Variants in SRSF11 observed in about 807,000 individuals in gnomAD.
SRSF11 encodes serine and arginine rich splicing factor 11, also known as serine/arginine-rich splicing factor 11.
SRSF11 carries 9 observed loss-of-function variants against 56.0 expected under a neutral mutation model. That is an observed-to-expected ratio of 0.16 (90% CI 0.10 to 0.28). SRSF11 has a LOEUF of 0.28. Among genes scored for constraint, SRSF11 ranks in the 10% least tolerant of loss-of-function variants. The pLI, the probability that SRSF11 is intolerant of heterozygous loss-of-function variation, is 1.00. For synonymous variants in SRSF11, 222 were observed against 215.3 expected, an observed-to-expected ratio of 1.03 and a Z score of -0.27; for missense variants, 421 against 600.7, an observed-to-expected ratio of 0.70 and a Z score of 3.13.
In SRSF11 at chr1:70,221,545, C is replaced by T; in HGVS notation, c.-92C>T. The T allele has an allele frequency of 6.7e-7, 1 of 1,497,410 alleles. No homozygotes were observed. The allele number at this position is 1,497,410 out of a possible 1,614,324, so 92.8% of individuals were successfully genotyped here. A position where few individuals can be genotyped will look rare whatever the true frequency, so the allele number is the denominator to read the frequency against. ...AGGCTGTAGCATCGGACACCCTCCT[C>T]TCTCCCGCAATCCGGTTCCTCTTCC... On this transcript the variant is annotated 5_prime_UTR_variant, in exon 1 of 12. Coordinates refer to ENST00000370949, the MANE Select transcript of SRSF11 (RefSeq NM_001350605.2).
chr1:70,247,631 T>C (rs530864333), intron 9 of SRSF11, among the ~76,000 whole-genome samples: 56 of 152,264 alleles, frequency 3.7e-4, no homozygotes, highest in Admixed American at 2.7e-3. Flanking sequence ...AGTGAATCTT[T>C]AAGACCATGA....
intron 1 of SRSF11, among the ~76,000 whole-genome samples, chr1:70,226,959 G>A (rs924500225): frequency 2.0e-5 from 3 of 152,160 alleles, no homozygotes; most frequent in Non-Finnish European, 2.9e-5. Flanking sequence ...TCAACAGTAA[G>A]CCTGTATAAC....
At chr1:70,212,417 C>T (rs761343124) in intron 1 of SRSF11, among the ~76,000 whole-genome samples, 4 of 152,012 alleles carry the variant, frequency 2.6e-5, no homozygotes, top group African/African-American at 4.8e-5. Context: ...CCACCACACC[C>T]GGCTAATTTT....
At chr1:70,208,729 C>G (rs534217149) in intron 1 of SRSF11, among the ~76,000 whole-genome samples, 2 of 152,246 alleles carry the variant, frequency 1.3e-5, no homozygotes, top group African/African-American at 4.8e-5. Flanking sequence ...TGTTTTGTCT[C>G]AAATGGATGG....
intron 1 of SRSF11, among the ~76,000 whole-genome samples, chr1:70,211,682 G>T (rs913418106): frequency 5.3e-5 from 8 of 151,846 alleles, no homozygotes; most frequent in African/African-American, 1.9e-4. Flanking sequence ...CTTGAGGTTG[G>T]TTTTTTTCCA....
intron 9 of SRSF11, chr1:70,247,228 A>C (rs72929230): frequency 3.2e-4 from 159 of 491,088 alleles, no homozygotes; most frequent in African/African-American, 3.0e-3. Flanking sequence ...TTATTATAGT[A>C]AGCTATATTT....
chr1:70,232,111 A>G, intron 2 of SRSF11, 157 bp from the exon 3 acceptor site: 1 of 1,548,304 alleles, frequency 6.5e-7, no homozygotes, highest in Non-Finnish European at 8.7e-7. Flanking sequence ...CATAAAATTA[A>G]TGATAAATAA....
chr1:70,213,679 TTA>T, intron 1 of SRSF11, among the ~76,000 whole-genome samples: 1 of 152,190 alleles, frequency 6.6e-6, no homozygotes, highest in South Asian at 2.1e-4. Context: ...AGAATAGTCA[TTA>T]TAATAGTAAT....
exon 1 of SRSF11, chr1:70,205,755 T>G: frequency 2.1e-6 from 1 of 469,970 alleles, no homozygotes. Context: ...GGTGCCGGCC[T>G]AGCGTCCTGG....
chr1:70,216,718 C>G (rs1395877876), upstream of SRSF11, among the ~76,000 whole-genome samples: 3 of 152,160 alleles, frequency 2.0e-5, no homozygotes, highest in Non-Finnish European at 4.4e-5. Flanking sequence ...CAGGGATGAG[C>G]CACCATACCC....
chr1:70,250,347 A>C lies in SRSF11; in HGVS notation c.1119-18A>C. On this transcript the variant is annotated intron_variant, in intron 10 of 11. Transcript: ENST00000370949. ...AAACAAGTTAAACCTGTTGCTGTAC[A>C]TTTTACTGTCATTCTAGACATAAAA... 6.2e-7 allele frequency: 1 copy of C among 1,609,638 alleles called. No homozygotes were observed. The highest frequency in any genetic ancestry group is 8.5e-7 in the Non-Finnish European group (1 of 1,178,620).
chr1:70,235,640 C>G, intron 5 of SRSF11, 90 bp downstream of exon 5: 1 of 1,276,260 alleles, frequency 7.8e-7, no homozygotes, highest in Non-Finnish European at 1.1e-6. Context: ...AGAAAGTTAT[C>G]AAGTTATCTT....
In SRSF11 at chr1:70,239,490, G is replaced by A; in HGVS notation, c.770G>A (p.Arg257Lys). 1 of 1,609,028 alleles carries A rather than the reference G, an allele frequency of 6.2e-7. No homozygotes were observed. The highest frequency in any genetic ancestry group is 8.5e-7 in the Non-Finnish European group (1 of 1,178,212). Reference sequence around the variant, plus strand: ...TCAAGATCAAGATCACGTTCTAGGAGGAGGAGGACTCCCTCATCTTCTAGA... The same window carrying A: ...TCAAGATCAAGATCACGTTCTAGGAAGAGGAGGACTCCCTCATCTTCTAGA... ...RHSRSRSRSR[R>K]RRTPSSSRHR... The change falls in exon 7 of 12, where the codon AGG becomes AAG. Residue 257 changes from arginine to lysine, a missense_variant. Arg to Lys is a conservative substitution (Grantham distance 26). Around this residue, in one of 2 missense-constraint regions of SRSF11, gnomAD observed 253 missense variants for 305.8 expected, o/e 0.83. Transcript: ENST00000370949.
At position 70,236,326 on chromosome 1, in the gene SRSF11, CTTTT is replaced by C. The variant is rs1256620243; in HGVS notation, c.590+778_590+781del. ...TATAATTTTTTTTTCTTTCTTCTTT[CTTTT>C]TCTTTTTTTTTTTTTTTTTGAGACG... On this transcript the variant is annotated intron_variant, in intron 5 of 11. Coordinates refer to ENST00000370949, the MANE Select transcript of SRSF11 (RefSeq NM_001350605.2). 9.3e-4 allele frequency among the ~76,000 whole-genome samples: 136 copies of C among 146,488 alleles called. 2 individuals carry two copies. In the East Asian group the frequency reaches 0.015, roughly 16 times the overall value.
At chr1:70,231,403 A>G in intron 2 of SRSF11, 1 of 1,055,920 alleles carries the variant, frequency 9.5e-7, no homozygotes, top group Non-Finnish European at 1.1e-6. Context: ...TAGGACCCTT[A>G]GATTTTATCT....
chr1:70,208,843 T>C (rs1021940408), intron 1 of SRSF11, among the ~76,000 whole-genome samples: 1 of 152,202 alleles, frequency 6.6e-6, no homozygotes, highest in Admixed American at 6.5e-5. Flanking sequence ...GGAGAATACA[T>C]TGAAAGCAAA....
Position 70,232,863 on chromosome 1 carries a change from A to C in SRSF11, c.447+486A>C, listed in dbSNP as rs530288311. Among the ~76,000 whole-genome samples the C allele has an allele frequency of 6.6e-5, 10 of 152,342 alleles. No homozygotes were observed. In the East Asian group the frequency reaches 1.7e-3, roughly 26 times the overall value. On this transcript the variant is annotated intron_variant, in intron 3 of 11. Coordinates refer to ENST00000370949, the MANE Select transcript of SRSF11 (RefSeq NM_001350605.2). ...GGGAATGTGAAAGAAAATTGGTTGC[A>C]ATAGTGTTTCTAACACTGACAGTGC... is the stretch of plus-strand genomic sequence containing the variant.
chr1:70,230,055 G>A, intron 2 of SRSF11: 2 of 985,320 alleles, frequency 2.0e-6, no homozygotes, highest in Middle Eastern at 1.0e-3. Flanking sequence ...AATCATGTGA[G>A]TAATATGTAA....
At chr1:70,243,371 A>C (rs966865314) in intron 7 of SRSF11, among the ~76,000 whole-genome samples, 3 of 129,482 alleles carry the variant, frequency 2.3e-5, no homozygotes, top group Non-Finnish European at 4.9e-5. Context: ...AAAAAAAAAA[A>C]AACACAGTGT....
Sources: gnomAD v4.1 joint callset for allele counts (sites outside exome capture counted in the v4.1 genomes callset) on GRCh38, gnomAD v4.1.1 for gene constraint, gnomAD v4.1.1 regional missense constraint, MANE v1.5 for transcripts, NCBI Gene and HGNC (gene_info 2026-07-23, HGNC 2026-07-21) for gene names.